YBX3: variants seen among roughly 807,000 people sequenced by gnomAD.
YBX3 encodes the protein Y-box-binding protein 3.
YBX3 carries 29 observed loss-of-function variants against 42.4 expected under a neutral mutation model. That is an observed-to-expected ratio of 0.68 (90% confidence interval 0.51 to 0.93). The LOEUF (loss-of-function observed/expected upper bound fraction) is 0.93. Among genes scored for constraint, YBX3 ranks in the 40% least tolerant of loss-of-function variants. The pLI is 0.00. For synonymous variants in YBX3, 195 were observed against 189.8 expected, an observed-to-expected ratio of 1.03 and a Z score of -0.22; for missense variants, 517 against 527.5, an observed-to-expected ratio of 0.98 and a Z score of 0.19.
intron 7 of YBX3, chr12:10,703,463 T>C (rs1948102886): frequency 3.4e-6 from 1 of 291,312 alleles, no homozygotes; most frequent in Middle Eastern, 1.2e-3. Flanking sequence ...TAATATCTAA[T>C]ACATAGTGAG....
intron 1 of YBX3, among the ~76,000 whole-genome samples, 171 bp from the exon 2 acceptor site, chr12:10,719,314 A>T (rs1335302355): frequency 6.6e-6 from 1 of 152,228 alleles, no homozygotes; most frequent in Non-Finnish European, 1.5e-5. Flanking sequence ...AAGATCTCAT[A>T]AGGAAATACT....
At position 10,722,840 on chromosome 12, in the gene YBX3, C is replaced by T; in HGVS notation, c.262+10G>A. The T allele has an allele frequency of 1.4e-6, 2 of 1,476,346 alleles. No individual in the cohort carries two copies. Among genetic ancestry groups the T allele is most frequent in the Non-Finnish European group, 1.8e-6 (2 of 1,112,752 alleles). 91.5% of individuals were successfully genotyped at this position (1,476,346 alleles called of 1,614,324 possible). A position where few individuals can be genotyped will look rare whatever the true frequency, so the allele number is the denominator to read the frequency against. On this transcript the variant is annotated intron_variant, in intron 1 of 9. Transcript: ENST00000228251. ...CTACGGCAGCCCCTGCCCTCCCTGG[C>T]CTGACTCACCGAGAACTTTTTTCTC... is the stretch of plus-strand genomic sequence containing the variant.
At chr12:10,703,079 C>T (rs745759709) in intron 7 of YBX3, 6 of 152,012 alleles carry the variant, frequency 3.9e-5, no homozygotes, top group South Asian at 4.1e-4. Context: ...ATTTCTATGC[C>T]GTCTCTTTTA....
chr12:10,716,001 AG>A (rs760657435), intron 3 of YBX3: 1 of 518,258 alleles, frequency 1.9e-6, no homozygotes. Context: ...TCATCTTGAC[AG>A]GTGGATTAAA....
At chr12:10,703,744 C>T (rs1259573372) in intron 7 of YBX3, 3 of 327,974 alleles carry the variant, frequency 9.1e-6, no homozygotes, top group Non-Finnish European at 1.7e-5. Flanking sequence ...CTTCCTCCAT[C>T]TGCAGCATTA....
At chr12:10,702,710 G>A (rs1220813357) in intron 7 of YBX3, 1 of 152,060 alleles carries the variant, frequency 6.6e-6, no homozygotes, top group Non-Finnish European at 1.5e-5. Flanking sequence ...CAGGCCCTTT[G>A]ATAAGCACTA....
intron 3 of YBX3, chr12:10,716,171 A>G (rs1029540409): frequency 1.7e-5 from 3 of 175,636 alleles, no homozygotes; most frequent in African/African-American, 7.2e-5. Flanking sequence ...GTGATAAAGA[A>G]AAACAAATTA....
rs755369733 is a variant in YBX3 at position 10,713,194 on chromosome 12, T to C, written c.573+17A>G. 3.1e-6 allele frequency: 5 copies of C among 1,604,870 alleles called. No homozygotes were observed. The highest frequency in any genetic ancestry group is 4.2e-6 in the Non-Finnish European group (5 of 1,176,546). ...AACAATTTCTCAATCACTGGTTAAG[T>C]AACAGAGACAACGTACATTCCGGGG... On this transcript the variant is annotated intron_variant, in intron 5 of 9. Transcript: ENST00000228251.
intron 3 of YBX3, 43 bp downstream of exon 3, chr12:10,718,045 C>T: frequency 3.9e-6 from 6 of 1,546,378 alleles, no homozygotes; most frequent in Non-Finnish European, 5.3e-6. Context: ...GATTACACAC[C>T]CTCTCCTCAC....
intron 3 of YBX3, chr12:10,716,006 G>C: frequency 2.0e-6 from 1 of 507,156 alleles, no homozygotes; most frequent in South Asian, 2.1e-5. Context: ...TTGACAGGTG[G>C]ATTAAACAGA....
At position 10,723,301 on chromosome 12, in the gene YBX3, T is replaced by C; in HGVS notation, c.-190A>G. The stretch of plus-strand genomic sequence containing the variant: ...GAGCTTCGTGCTGCGCGCTCTCTCT[T>C]GGGCTCCTCGCTCGATCTTACTGCC... On this transcript the variant is annotated 5_prime_UTR_variant, in exon 1 of 10. Transcript: ENST00000228251. 3.2e-6 allele frequency: 3 copies of C among 930,596 alleles called. No homozygotes were observed. Among genetic ancestry groups the C allele is most frequent in the Non-Finnish European group, 4.1e-6 (3 of 733,418 alleles). The allele number at this position is 930,596 out of a possible 1,614,324, so 57.6% of individuals were successfully genotyped here.
At chr12:10,722,706 G>A (rs1948343237) in intron 1 of YBX3, 144 bp downstream of exon 1, 1 of 758,362 alleles carries the variant, frequency 1.3e-6, no homozygotes, top group Non-Finnish European at 1.8e-6. Flanking sequence ...GGAGACCCCT[G>A]GGGACCCGGA....
intron 4 of YBX3, 131 bp downstream of exon 4, chr12:10,715,563 T>G: frequency 1.2e-6 from 1 of 851,712 alleles, no homozygotes; most frequent in Non-Finnish European, 1.9e-6. Flanking sequence ...AAAAATTCTG[T>G]TTAAAAGTCA....
chr12:10,701,142 G>A, intron 9 of YBX3, 112 bp downstream of exon 9: 1 of 642,430 alleles, frequency 1.6e-6, no homozygotes, highest in Non-Finnish European at 2.8e-6. Context: ...GAGACAAGGG[G>A]TTGGCACAGA....
At position 10,723,290 on chromosome 12, in the gene YBX3, G is replaced by C; in HGVS notation, c.-179C>G. ...GGAGGCGGCTCGAGCTTCGTGCTGC[G>C]CGCTCTCTCTTGGGCTCCTCGCTCG... On this transcript the variant is annotated 5_prime_UTR_variant, in exon 1 of 10. Coordinates refer to ENST00000228251, the MANE Select transcript of YBX3 (RefSeq NM_003651.5). The C allele has an allele frequency of 1.9e-6, 2 of 1,047,536 alleles. No individual in the cohort carries two copies. Among genetic ancestry groups the C allele is most frequent in the Non-Finnish European group, 2.4e-6 (2 of 838,292 alleles). The allele number at this position is 1,047,536 out of a possible 1,614,324, so 64.9% of individuals were successfully genotyped here.
intron 6 of YBX3, among the ~76,000 whole-genome samples, chr12:10,706,587 T>C (rs1357547387): frequency 6.6e-6 from 1 of 152,240 alleles, no homozygotes; most frequent in Non-Finnish European, 1.5e-5. Flanking sequence ...CTCACTGTCC[T>C]TTGCTAGACA....
rs546627986 is a variant in YBX3, at chr12:10,709,830, G to C, written c.780+78C>G. Reference sequence around the variant, plus strand: ...GCAAGGTTTCTGGCAGCTGATGTTGGAGGAGGAGGAGGAAGAGGAGGCAGA... The same window carrying C: ...GCAAGGTTTCTGGCAGCTGATGTTGCAGGAGGAGGAGGAAGAGGAGGCAGA... On this transcript the variant is annotated intron_variant, in intron 6 of 9. Transcript: ENST00000228251. 8 of 1,436,328 alleles carry C rather than the reference G, an allele frequency of 5.6e-6. No individual in the cohort carries two copies. The South Asian group carries it at 9.3e-5, about 17-fold the overall frequency. The allele number at this position is 1,436,328 out of a possible 1,614,324, so 89.0% of individuals were successfully genotyped here.
intron 6 of YBX3, among the ~76,000 whole-genome samples, chr12:10,708,231 A>G (rs1446970328): frequency 6.6e-6 from 1 of 152,256 alleles, no homozygotes; most frequent in African/African-American, 2.4e-5. Context: ...TATTTTCTTT[A>G]AAAATGGAAG....
At chr12:10,710,533 C>T in intron 5 of YBX3, 1 of 1,178,262 alleles carries the variant, frequency 8.5e-7, no homozygotes, top group Non-Finnish European at 1.1e-6. Flanking sequence ...ATGTTACCAA[C>T]ATATTTGACC....
Sources: gnomAD v4.1 joint callset for allele counts (sites outside exome capture counted in the v4.1 genomes callset) on GRCh38, gnomAD v4.1.1 for gene constraint, MANE v1.5 for transcripts, NCBI Gene and HGNC (gene_info 2026-07-23, HGNC 2026-07-21) for gene names.